The following STS variants were observed in gnomAD, a reference collection of about 807,000 sequenced individuals.
STS encodes steryl-sulfatase.
Under a neutral mutation model 26.8 loss-of-function variants are expected in STS, and 7 were observed. That is an observed-to-expected ratio of 0.26 (90% CI 0.15 to 0.49). The LOEUF is 0.49. Among genes scored for constraint, STS ranks in the 20% least tolerant of loss-of-function variants. The pLI is 0.98. For missense variants in STS, 434 were observed against 465.6 expected (o/e 0.93, Z 0.63); for synonymous variants, 199 against 189.4 (o/e 1.05, Z -0.42).
chrX:7,322,039 A>G (rs1233892702), intron 8 of STS, among the ~76,000 whole-genome samples: 1 of 112,628 alleles, frequency 8.9e-6, no homozygotes, highest in East Asian at 2.8e-4. Context: ...GCTAAAAATC[A>G]GCTGACAAAG....
At chrX:7,214,942 TACATATATAC>T (rs1569191441) in intron 2 of STS, among the ~76,000 whole-genome samples, 13 of 94,992 alleles carry the variant, frequency 1.4e-4, no homozygotes, top group Admixed American at 5.1e-4. Context: ...TATATATATA[TACATATATAC>T]GTATATATAT....
chrX:7,183,996 C>A (rs1933728968), intron 1 of STS, among the ~76,000 whole-genome samples: 1 of 99,156 alleles, frequency 1.0e-5, no homozygotes, highest in African/African-American at 3.8e-5. Context: ...GAGTGAAACT[C>A]CATCTCAAAT....
At chrX:7,267,288 T>C (rs1225122664) in intron 6 of STS, among the ~76,000 whole-genome samples, 3 of 112,124 alleles carry the variant, frequency 2.7e-5, no homozygotes, top group Non-Finnish European at 1.9e-5. Flanking sequence ...GTAATTCTTA[T>C]AGATAAGTTT....
At chrX:7,253,459 C>A in intron 3 of STS, 123 bp downstream of exon 3, 1 of 974,883 alleles carries the variant, frequency 1.0e-6, no homozygotes, top group African/African-American at 1.9e-5. Context: ...CCAAACCATG[C>A]CTGGCTTCAT....
chrX:7,324,580 G>C (rs1234010859), intron 8 of STS, among the ~76,000 whole-genome samples: 1 of 111,381 alleles, frequency 9.0e-6, no homozygotes, highest in Non-Finnish European at 1.9e-5. Context: ...TGTCGTGTTG[G>C]TATCTTATGG....
In STS at chrX:7,190,516, G is replaced by A. The variant is rs1413234368; in HGVS notation, c.-133-364G>A. Among the ~76,000 whole-genome samples the A allele has an allele frequency of 2.7e-5, 3 of 111,227 alleles. No homozygotes were observed. The Admixed American group carries it at 2.9e-4, about 11-fold the overall frequency. ...AAGAGCTTAAGAGGCTGGGCACAGTGGCTCACACCTATAATCCCAACACTT... is the reference window on the plus strand; with the variant it reads ...AAGAGCTTAAGAGGCTGGGCACAGTAGCTCACACCTATAATCCCAACACTT... On this transcript the variant is annotated intron_variant, in intron 1 of 10. Coordinates refer to ENST00000674429, the MANE Select transcript of STS (RefSeq NM_001320752.2).
intron 8 of STS, among the ~76,000 whole-genome samples, chrX:7,325,054 T>C (rs1343561153): frequency 1.8e-5 from 2 of 111,945 alleles, no homozygotes; most frequent in African/African-American, 3.3e-5. Flanking sequence ...TTGATTTGAA[T>C]CTTTGGTGAC....
chrX:7,237,862 A>G (rs1421211209), intron 2 of STS, among the ~76,000 whole-genome samples: 15 of 111,199 alleles, frequency 1.3e-4, no homozygotes, highest in Admixed American at 1.2e-3. Context: ...ATAGTCTTCA[A>G]TGTCTGTTAT....
chrX:7,222,265 C>T lies in STS; in HGVS notation c.-4-30931C>T, dbSNP rs910392450. Among the ~76,000 whole-genome samples the T allele has an allele frequency of 7.2e-5, 8 of 111,711 alleles. No individual in the cohort carries two copies. The East Asian group carries it at 2.0e-3, about 27-fold the overall frequency. On this transcript the variant is annotated intron_variant, in intron 2 of 10. Coordinates refer to ENST00000674429, the MANE Select transcript of STS (RefSeq NM_001320752.2). ...CAGCCAAACAGACCAATGCAAGAAC[C>T]ATTTTAATAAACAAGGAATTGTCAT...
intron 1 of STS, among the ~76,000 whole-genome samples, chrX:7,171,827 T>G (rs1261563421): frequency 8.9e-6 from 1 of 111,999 alleles, no homozygotes; most frequent in African/African-American, 3.2e-5. Context: ...GAGGCCTTCT[T>G]GAAATAATTA....
At chrX:7,300,001 A>G (rs184271007) in intron 7 of STS, among the ~76,000 whole-genome samples, 5 of 111,756 alleles carry the variant, frequency 4.5e-5, no homozygotes. Flanking sequence ...CTGACTCTTA[A>G]TAGTAGCTTA....
chrX:7,304,447 T>C (rs1475075415), intron 7 of STS, among the ~76,000 whole-genome samples: 1 of 111,590 alleles, frequency 9.0e-6, no homozygotes, highest in Non-Finnish European at 1.9e-5. Flanking sequence ...ATGTTGATAT[T>C]TGTGATGGAC....
chrX:7,148,045 C>G lies in STS; in HGVS notation c.-172C>G, dbSNP rs757985275. 8 of 1,135,927 alleles carry G rather than the reference C, an allele frequency of 7.0e-6. No individual in the cohort carries two copies. In the African/African-American group the frequency reaches 1.1e-4, roughly 16 times the overall value. The allele number at this position is 1,135,927 out of a possible 1,213,427, so 93.6% of individuals were successfully genotyped here. A position where few individuals can be genotyped will look rare whatever the true frequency, so the allele number is the denominator to read the frequency against. On this transcript the variant is annotated 5_prime_UTR_variant, in exon 1 of 11. Transcript: ENST00000674429. ...CCTTACTGGAGGCGGCGGCTGCACA[C>G]TACCCACCCAGAAGAAGTCCGTCCA...
chrX:7,324,040 T>C (rs1156374782), intron 8 of STS, among the ~76,000 whole-genome samples: 2 of 111,779 alleles, frequency 1.8e-5, no homozygotes, highest in African/African-American at 6.5e-5. Flanking sequence ...CGGGAGATCC[T>C]AAGAATATGT....
chrX:7,178,512 A>G (rs1023741039), intron 1 of STS, among the ~76,000 whole-genome samples: 1 of 111,130 alleles, frequency 9.0e-6, no homozygotes, highest in Admixed American at 9.6e-5. Flanking sequence ...TTTTCCCCTC[A>G]CTGTTGCCTT....
intron 2 of STS, among the ~76,000 whole-genome samples, chrX:7,252,538 CA>C (rs1443021654): frequency 9.0e-6 from 1 of 111,362 alleles, no homozygotes; most frequent in African/African-American, 3.3e-5. Context: ...AGGCAAACAG[CA>C]AAATGAAGTA....
chrX:7,330,503 TAAAAC>T (rs1459140334), intron 9 of STS, among the ~76,000 whole-genome samples: 1 of 112,570 alleles, frequency 8.9e-6, no homozygotes, highest in East Asian at 2.8e-4. Context: ...GGTCCATAAT[TAAAAC>T]AAAATTTGAC....
intron 1 of STS, among the ~76,000 whole-genome samples, chrX:7,177,491 A>C (rs900365665): frequency 9.6e-6 from 1 of 104,397 alleles, no homozygotes; most frequent in Non-Finnish European, 1.9e-5. Flanking sequence ...TTTTTTTTGG[A>C]GTTGGGACAG....
At chrX:7,251,884 C>T (rs1179658285) in intron 2 of STS, among the ~76,000 whole-genome samples, 1 of 110,651 alleles carries the variant, frequency 9.0e-6, no homozygotes, top group Non-Finnish European at 1.9e-5. Flanking sequence ...TCGCTTGAGC[C>T]CAGGAGTTGG....
Sources: gnomAD v4.1 joint callset for allele counts (sites outside exome capture counted in the v4.1 genomes callset) on GRCh38, gnomAD v4.1.1 for gene constraint, MANE v1.5 for transcripts, NCBI Gene and HGNC (gene_info 2026-07-23, HGNC 2026-07-21) for gene names.